Variants in PLXNA4 observed in about 807,000 individuals in gnomAD.
The protein encoded by PLXNA4 is plexin A4.
In PLXNA4, 44 loss-of-function variants were observed where a neutral mutation model predicts 191.8. The ratio of observed to expected loss-of-function variants is 0.23; its 90% CI spans 0.18 to 0.29. The LOEUF is 0.29. Among genes scored for constraint, PLXNA4 ranks in the 10% least tolerant of loss-of-function variants. The probability of loss-of-function intolerance (pLI) is 1.00; values close to 1 mark genes in which losing one functional copy is unlikely to be tolerated. For missense variants in PLXNA4, 1,800 were observed against 2,488.8 expected (o/e 0.72, Z 5.89); for synonymous variants, 1,082 against 1,009.5 (o/e 1.07, Z -1.36).
chr7:132,282,391 G>A (rs758626880), intron 4 of PLXNA4, among the ~76,000 whole-genome samples: 8 of 151,810 alleles, frequency 5.3e-5, no homozygotes, highest in Non-Finnish European at 7.4e-5. Flanking sequence ...TGGGCAACAT[G>A]GAGAAACCCC....
At chr7:132,227,706 G>C in intron 6 of PLXNA4, 102 bp from the exon 7 acceptor site, 1 of 1,450,948 alleles carries the variant, frequency 6.9e-7, no homozygotes, top group Non-Finnish European at 9.4e-7. Flanking sequence ...AGATCACAGG[G>C]AAAGCAAAGA....
In PLXNA4 at chr7:132,585,053, C is replaced by T. The variant is rs556076908; in HGVS notation, c.-87+60875G>A. Among the ~76,000 whole-genome samples the T allele has an allele frequency of 6.1e-4, 93 of 152,142 alleles. 1 individual carries two copies. Among genetic ancestry groups the T allele is most frequent in the African/African-American group, 2.0e-3 (84 of 41,508 alleles). On this transcript the variant is annotated intron_variant, in intron 2 of 4. Transcript: ENST00000378539. ...AGCCTGTCTGCCTAGGCAGACAGCT[C>T]GGTGGATCTGGTAAACGTCCCAGAG...
At chr7:132,631,276 T>C (rs1000491215) in intron 2 of PLXNA4, among the ~76,000 whole-genome samples, 2 of 152,248 alleles carry the variant, frequency 1.3e-5, no homozygotes, top group African/African-American at 4.8e-5. Flanking sequence ...GATCAATTTA[T>C]CTCATTACTT....
intron 3 of PLXNA4, among the ~76,000 whole-genome samples, chr7:132,389,060 A>T (rs1444622737): frequency 6.6e-6 from 1 of 152,144 alleles, no homozygotes; most frequent in African/African-American, 2.4e-5. Flanking sequence ...GGATGCATAA[A>T]TGTTTTCTTT....
At chr7:132,168,157 A>G in intron 22 of PLXNA4, 147 bp downstream of exon 22, 1 of 1,194,528 alleles carries the variant, frequency 8.4e-7, no homozygotes, top group African/African-American at 1.6e-5. Flanking sequence ...GGGGGCCTGC[A>G]ATGTAGTCCT....
chr7:132,201,530 A>C (rs1435601526), intron 12 of PLXNA4, among the ~76,000 whole-genome samples: 1 of 152,150 alleles, frequency 6.6e-6, no homozygotes, highest in Non-Finnish European at 1.5e-5. Flanking sequence ...GCAGAGACTG[A>C]GTCTCTGTCT....
At chr7:132,193,926 A>C in intron 14 of PLXNA4, 136 bp downstream of exon 14, 1 of 1,098,524 alleles carries the variant, frequency 9.1e-7, no homozygotes, top group South Asian at 1.8e-5. Flanking sequence ...ATAAGACAGG[A>C]GTCTCATGAA....
chr7:132,607,326 T>TC (rs1802946093), intron 2 of PLXNA4, among the ~76,000 whole-genome samples: 1 of 151,940 alleles, frequency 6.6e-6, no homozygotes, highest in Admixed American at 6.6e-5. Context: ...TTCCACCTTC[T>TC]CCCCCTCCTG....
At chr7:132,598,638 T>G (rs1028919149) in intron 2 of PLXNA4, among the ~76,000 whole-genome samples, 5 of 152,254 alleles carry the variant, frequency 3.3e-5, no homozygotes, top group African/African-American at 7.2e-5. Context: ...TCTCATCGTT[T>G]GCTTGTTGAT....
At chr7:132,644,728 T>C (rs1305459488) in intron 2 of PLXNA4, among the ~76,000 whole-genome samples, 2 of 152,062 alleles carry the variant, frequency 1.3e-5, no homozygotes, top group Non-Finnish European at 2.9e-5. Flanking sequence ...CGATCTGTGG[T>C]TGGAAAGAAT....
At chr7:132,563,546 CCTT>C (rs1801484541) in intron 1 of PLXNA4, among the ~76,000 whole-genome samples, 1 of 113,848 alleles carries the variant, frequency 8.8e-6, no homozygotes, top group African/African-American at 3.2e-5. Context: ...TCCTCCTCCT[CCTT>C]CTCCTACTCC....
Position 132,129,207 on chromosome 7 carries a change from G to C in PLXNA4, c.*1272C>G, listed in dbSNP as rs532613775. On this transcript the variant is annotated 3_prime_UTR_variant, in exon 32 of 32. Transcript: ENST00000321063. Reference sequence around the variant, plus strand: ...TTGGCTGGCATTTTGGGCTGTCTCCGTGAGGCTTTGCTTAAGTCTGTTTCT... The same window carrying C: ...TTGGCTGGCATTTTGGGCTGTCTCCCTGAGGCTTTGCTTAAGTCTGTTTCT... 6.6e-6 allele frequency: 1 copy of C among 152,386 alleles called. No individual in the cohort carries two copies. Among genetic ancestry groups the C allele is most frequent in the Non-Finnish European group, 1.5e-5 (1 of 68,068 alleles). 9.4% of individuals were successfully genotyped at this position (152,386 alleles called of 1,614,324 possible). A position where few individuals can be genotyped will look rare whatever the true frequency, so the allele number is the denominator to read the frequency against.
intron 3 of PLXNA4, among the ~76,000 whole-genome samples, chr7:132,455,797 G>A (rs1796292828): frequency 6.6e-6 from 1 of 152,134 alleles, no homozygotes; most frequent in Non-Finnish European, 1.5e-5. Flanking sequence ...GTCTGAGGGT[G>A]TGGGTGCCTG....
At chr7:132,596,529 T>C (rs1214288615) in intron 2 of PLXNA4, among the ~76,000 whole-genome samples, 1 of 152,250 alleles carries the variant, frequency 6.6e-6, no homozygotes, top group Non-Finnish European at 1.5e-5. Flanking sequence ...CAAAAGATTA[T>C]GAAGATTTAA....
chr7:132,432,425 T>C (rs191588796), intron 3 of PLXNA4, among the ~76,000 whole-genome samples: 3 of 152,344 alleles, frequency 2.0e-5, no homozygotes, highest in African/African-American at 7.2e-5. Flanking sequence ...CATTGCCATC[T>C]GGTTGCTACT....
intron 3 of PLXNA4, among the ~76,000 whole-genome samples, chr7:132,311,194 G>GTGTGCA (rs1491367840): frequency 1.2e-5 from 1 of 82,770 alleles, no homozygotes; most frequent in African/African-American, 5.0e-5. Flanking sequence ...GTGTGTGTGT[G>GTGTGCA]CGCGTGTGGC....
chr7:132,647,993 ACAGT>A (rs1803914422), intron 1 of PLXNA4, among the ~76,000 whole-genome samples: 1 of 152,048 alleles, frequency 6.6e-6, no homozygotes, highest in South Asian at 2.1e-4. Context: ...TCATGAACAC[ACAGT>A]CATATACCCA....
intron 2 of PLXNA4, among the ~76,000 whole-genome samples, chr7:132,624,675 T>G (rs1376695911): frequency 1.3e-5 from 2 of 152,200 alleles, no homozygotes; most frequent in East Asian, 3.9e-4. Context: ...AGTCATGAAC[T>G]TGGTCCATAT....
At chr7:132,302,804 G>A (rs1012405933) in intron 3 of PLXNA4, among the ~76,000 whole-genome samples, 2 of 152,128 alleles carry the variant, frequency 1.3e-5, no homozygotes, top group African/African-American at 4.8e-5. Context: ...CCATGGTTCA[G>A]TCACCAATAC....
Sources: allele counts gnomAD v4.1 joint callset (sites outside exome capture counted in the v4.1 genomes callset), GRCh38; gene constraint gnomAD v4.1.1; transcripts MANE v1.5; gene names NCBI Gene and HGNC (gene_info 2026-07-23, HGNC 2026-07-21).